CYTH3: variants seen among roughly 807,000 people sequenced by gnomAD.
The protein encoded by CYTH3 is cytohesin-3.
In CYTH3, 23 loss-of-function variants were observed where a neutral mutation model predicts 55.1. The ratio of observed to expected loss-of-function variants is 0.42; its 90% CI spans 0.30 to 0.59. The LOEUF (loss-of-function observed/expected upper bound fraction) is 0.59. CYTH3 is among the 20% of genes least tolerant of loss of function. The pLI, the probability that CYTH3 is intolerant of heterozygous loss-of-function variation, is 0.20. For missense variants in CYTH3, 413 were observed against 524.8 expected (o/e 0.79, Z 2.08); for synonymous variants, 249 against 194.9 (o/e 1.28, Z -2.31).
intron 5 of CYTH3, 97 bp downstream of exon 5, chr7:6,177,726 T>C: frequency 1.0e-6 from 1 of 970,046 alleles, no homozygotes; most frequent in Non-Finnish European, 1.6e-6. Flanking sequence ...CTATCATGCC[T>C]TTAGGCTGTG....
chr7:6,232,723 C>A (rs1257388615), intron 1 of CYTH3, among the ~76,000 whole-genome samples: 1 of 152,010 alleles, frequency 6.6e-6, no homozygotes, highest in East Asian at 1.9e-4. Context: ...GTGGTTCTGA[C>A]TGTCCCGCTT....
At chr7:6,253,746 G>T (rs985986099) in intron 1 of CYTH3, among the ~76,000 whole-genome samples, 35 of 151,714 alleles carry the variant, frequency 2.3e-4, no homozygotes, top group African/African-American at 7.7e-4. Flanking sequence ...AACCCGGGAG[G>T]CGGAAGTTGC....
chr7:6,224,443 C>T (rs902941088), intron 1 of CYTH3, among the ~76,000 whole-genome samples: 4 of 151,992 alleles, frequency 2.6e-5, no homozygotes, highest in African/African-American at 9.7e-5. Flanking sequence ...CATCCGCATG[C>T]AAAAGAATGA....
intron 1 of CYTH3, among the ~76,000 whole-genome samples, chr7:6,268,406 A>T (rs1056269085): frequency 6.6e-6 from 1 of 151,954 alleles, no homozygotes; most frequent in Non-Finnish European, 1.5e-5. Context: ...CTGACCTCAA[A>T]TGATCCACCC....
intron 1 of CYTH3, among the ~76,000 whole-genome samples, chr7:6,251,667 A>G (rs543394407): frequency 1.5e-4 from 23 of 152,330 alleles, no homozygotes; most frequent in Admixed American, 5.2e-4. Flanking sequence ...ACTGAACAAC[A>G]TTTTTGTGCT....
At chr7:6,268,998 A>T (rs1382045235) in intron 1 of CYTH3, among the ~76,000 whole-genome samples, 1 of 152,226 alleles carries the variant, frequency 6.6e-6, no homozygotes, top group Non-Finnish European at 1.5e-5. Context: ...CAGGAGCTGG[A>T]GCCAAAAGGA....
intron 1 of CYTH3, among the ~76,000 whole-genome samples, chr7:6,204,982 T>G (rs945342581): frequency 6.6e-6 from 1 of 151,938 alleles, no homozygotes; most frequent in African/African-American, 2.4e-5. Flanking sequence ...TTGGGCAACA[T>G]GGCGAAGACC....
In CYTH3 at chr7:6,255,758, GTTT is replaced by G. The variant is rs397889923; in HGVS notation, c.34+16713_34+16715del. 1.0e-4 allele frequency among the ~76,000 whole-genome samples: 9 copies of G among 89,418 alleles called. No individual in the cohort carries two copies. The East Asian group carries it at 2.7e-3, about 27-fold the overall frequency. 58.7% of individuals were successfully genotyped at this position (89,418 alleles called of 152,430 possible). On this transcript the variant is annotated intron_variant, in intron 1 of 12. Transcript: ENST00000350796. ...ACTACCCAAGTTTGACCTTTAATCT[GTTT>G]TTTTTTTTTTTTTTTTTTTTGAGAT...
chr7:6,272,409 C>CGGGGGGGGGGGGGGGGGGGGGGGGG, intron 1 of CYTH3, 65 bp downstream of exon 1: 1 of 1,212,390 alleles, frequency 8.2e-7, no homozygotes, highest in Non-Finnish European at 1.1e-6. Flanking sequence ...GCCGCGCCCT[C>CGGGGGGGGGGGGGGGGGGGGGGGGG]GACCCCCAGC....
chr7:6,207,086 CTTTT>C (rs58910123), intron 1 of CYTH3, among the ~76,000 whole-genome samples: 6 of 104,048 alleles, frequency 5.8e-5, no homozygotes, highest in Non-Finnish European at 9.0e-5. Flanking sequence ...AAATGTGCAA[CTTTT>C]TTTTTTTTTT....
rs972315360 is a variant in CYTH3, at chr7:6,209,377, T to C, written c.35-18846A>G. Among the ~76,000 whole-genome samples, 4 of 152,242 alleles carry C rather than the reference T, an allele frequency of 2.6e-5. No homozygotes were observed. In the South Asian group the frequency reaches 8.3e-4, roughly 31 times the overall value. ...GACCTCAGTCATGAAAAACTAGTAATAGACATTGAGACTTTCTACCCTAGC... is the reference window on the plus strand; with the variant it reads ...GACCTCAGTCATGAAAAACTAGTAACAGACATTGAGACTTTCTACCCTAGC... On this transcript the variant is annotated intron_variant, in intron 1 of 12. Coordinates refer to ENST00000350796, the MANE Select transcript of CYTH3 (RefSeq NM_004227.4).
chr7:6,175,331 A>G (rs1266336796), intron 5 of CYTH3, among the ~76,000 whole-genome samples: 2 of 152,154 alleles, frequency 1.3e-5, no homozygotes, highest in African/African-American at 4.8e-5. Flanking sequence ...CTTCTGAAGC[A>G]CAATATTCTG....
intron 1 of CYTH3, among the ~76,000 whole-genome samples, chr7:6,270,520 A>G (rs911542711): frequency 2.0e-5 from 3 of 152,222 alleles, no homozygotes; most frequent in African/African-American, 7.2e-5. Context: ...TGGAAAATAT[A>G]AAAAGAAAAT....
intron 4 of CYTH3, among the ~76,000 whole-genome samples, chr7:6,178,197 A>G (rs1300887906): frequency 6.6e-6 from 1 of 152,266 alleles, no homozygotes; most frequent in African/African-American, 2.4e-5. Context: ...ACAAACCATT[A>G]CAGGTGGTTA....
chr7:6,217,387 A>G (rs953298359), intron 1 of CYTH3, among the ~76,000 whole-genome samples: 1 of 152,372 alleles, frequency 6.6e-6, no homozygotes, highest in East Asian at 1.9e-4. Flanking sequence ...GATGAAAAAG[A>G]TATCATGCAA....
chr7:6,165,954 T>A (rs941384195), intron 9 of CYTH3, 144 bp from the exon 10 acceptor site: 1 of 763,134 alleles, frequency 1.3e-6, no homozygotes, highest in African/African-American at 1.7e-5. Flanking sequence ...CCTTCAGCGT[T>A]CCCACCGCAG....
At chr7:6,174,539 GTTTTTTTTTTT>G (rs760279977) in intron 5 of CYTH3, among the ~76,000 whole-genome samples, 30 of 89,808 alleles carry the variant, frequency 3.3e-4, no homozygotes, top group African/African-American at 1.4e-3. Context: ...CTCCTTGTGG[GTTTTTTTTTTT>G]TTTTTTTTTT....
chr7:6,267,107 T>C (rs1458464300), intron 1 of CYTH3, among the ~76,000 whole-genome samples: 2 of 152,180 alleles, frequency 1.3e-5, no homozygotes, highest in Non-Finnish European at 2.9e-5. Context: ...GCTCTAGCCA[T>C]GTGATGTGCC....
At chr7:6,188,494 C>T (rs1433345646) in intron 2 of CYTH3, among the ~76,000 whole-genome samples, 1 of 152,030 alleles carries the variant, frequency 6.6e-6, no homozygotes, top group South Asian at 2.1e-4. Context: ...AGCTGAGGCT[C>T]GGGTGTGTTT....
Sources: gnomAD v4.1 joint callset for allele counts (sites outside exome capture counted in the v4.1 genomes callset) on GRCh38, gnomAD v4.1.1 for gene constraint, MANE v1.5 for transcripts, NCBI Gene and HGNC (gene_info 2026-07-23, HGNC 2026-07-21) for gene names.